Variants in STIL observed in about 807,000 individuals in gnomAD.
STIL encodes the protein STIL centriolar assembly protein, also known as SCL-interrupting locus protein.
A neutral mutation model predicts 110.1 loss-of-function variants in STIL; 55 were observed. The ratio of observed to expected loss-of-function variants is 0.50; its 90% CI spans 0.40 to 0.63. STIL has a LOEUF of 0.63. Ranked by LOEUF, STIL falls within the 20% of genes least tolerant of loss-of-function variation. STIL has a pLI of 0.00. For synonymous variants in STIL, 481 were observed against 530.0 expected, an observed-to-expected ratio of 0.91 and a Z score of 1.27; for missense variants, 1,358 against 1,530.0, an observed-to-expected ratio of 0.89 and a Z score of 1.87.
chr1:47,300,532 G>A (rs1645774932), intron 5 of STIL, among the ~76,000 whole-genome samples: 1 of 151,704 alleles, frequency 6.6e-6, no homozygotes, highest in African/African-American at 2.4e-5. Context: ...GCAGTGGTGC[G>A]ATCTCAGCTC....
rs778212023 is a variant in STIL at position 47,251,093 on chromosome 1, G to A, written c.*43C>T. The A allele has an allele frequency of 5.7e-6, 9 of 1,581,510 alleles. No homozygotes were observed. The East Asian group carries it at 1.8e-4, about 31-fold the overall frequency. ...TCCTGTTTTCCCTAAGTATCTTCAG[G>A]AGACACCCTGTCCCTGTATTAAAAG... On this transcript the variant is annotated 3_prime_UTR_variant, in exon 17 of 17. Transcript: ENST00000371877.
chr1:47,251,223 A>T lies in STIL; in HGVS notation c.3780T>A (p.Ser1260=). ...ITIFPESLQP[S]ETLKQMNSMN... ...TGCTATTCATCTGCTTTAGCGTTTC[A>T]GAAGGTTGCAAACTTTCAGGAAAAA... Residue 1260 remains serine (S), a synonymous_variant, in exon 17 of 17, where the codon TCT becomes TCA. Coordinates refer to ENST00000371877, the MANE Select transcript of STIL (RefSeq NM_001048166.1). The T allele has an allele frequency of 6.2e-7, 1 of 1,611,782 alleles. No homozygotes were observed.
Position 47,280,497 on chromosome 1 carries a change from T to C in STIL, c.1961A>G (p.Asn654Ser). 2 of 1,614,238 alleles carry C rather than the reference T, an allele frequency of 1.2e-6. No homozygotes were observed. The highest frequency in any genetic ancestry group is 8.5e-7 in the Non-Finnish European group (1 of 1,180,046). The change falls in exon 12 of 17, where the codon AAT becomes AGT. Residue 654 changes from asparagine to serine, a missense_variant. Transcript: ENST00000371877. ...HPSGCPALYC[N>S]AFCSSSSPIA... ...AGGACTACTTGAAGAACAGAATGCA[T>C]TACAGTACAGGGCTGGACATCCACT... is the stretch of plus-strand genomic sequence containing the variant.
chr1:47,289,538 G>GTCA lies in STIL; in HGVS notation c.917_919dup (p.Met306dup). The stretch of plus-strand genomic sequence containing the variant: ...TTCATAAAACTCAGGTTCCTTATGT[G>GTCA]TCATAGAATAGAGAACTATGATGAA... On this transcript the variant is annotated inframe_insertion, in exon 9 of 17. Coordinates refer to ENST00000371877, the MANE Select transcript of STIL (RefSeq NM_001048166.1). The GTCA allele has an allele frequency of 6.2e-7, 1 of 1,613,712 alleles. No homozygotes were observed. Among genetic ancestry groups the GTCA allele is most frequent in the Non-Finnish European group, 8.5e-7 (1 of 1,179,712 alleles).
chr1:47,269,811 C>T lies in STIL; in HGVS notation c.2439G>A (p.Met813Ile). The T allele has an allele frequency of 2.5e-6, 4 of 1,614,188 alleles. No homozygotes were observed. Among genetic ancestry groups the T allele is most frequent in the Non-Finnish European group, 3.4e-6 (4 of 1,180,030 alleles). Residue 813 changes from methionine to isoleucine, a missense_variant, in exon 14 of 17, where the codon ATG (methionine) becomes ATA (isoleucine). Physicochemically the swap from Met to Ile is conservative, Grantham distance 10 (BLOSUM62 1). Transcript: ENST00000371877. The stretch of plus-strand genomic sequence containing the variant: ...TGGAAATTTTGGTATCATCTTGCTT[C>T]ATTTGAGAGTCAGGCTCTTGATCCT... ...AGEDQEPDSQ[M>I]KQDDTKISSE... is the part of the protein sequence containing the mutation.
chr1:47,271,786 G>A (rs1644847405), intron 13 of STIL, among the ~76,000 whole-genome samples: 1 of 149,240 alleles, frequency 6.7e-6, no homozygotes, highest in Non-Finnish European at 1.5e-5. Flanking sequence ...TCTAGCTTGG[G>A]CAACACAGCG....
chr1:47,253,721 A>C (rs1644250321), intron 16 of STIL, among the ~76,000 whole-genome samples: 1 of 152,130 alleles, frequency 6.6e-6, no homozygotes. Flanking sequence ...ATTCTAGTCA[A>C]ATATGCTATG....
chr1:47,264,279 G>T (rs1321030950), intron 14 of STIL, among the ~76,000 whole-genome samples: 3 of 152,156 alleles, frequency 2.0e-5, no homozygotes, highest in African/African-American at 7.2e-5. Context: ...CAATCTTGGA[G>T]TTTCCAGTCC....
chr1:47,282,578 T>C, intron 10 of STIL, 119 bp from the exon 11 acceptor site: 1 of 676,064 alleles, frequency 1.5e-6, no homozygotes, highest in Non-Finnish European at 2.7e-6. Flanking sequence ...TAATTTAGTA[T>C]CTGACAACCA....
chr1:47,296,229 C>G (rs763809325), intron 6 of STIL, among the ~76,000 whole-genome samples: 1 of 152,118 alleles, frequency 6.6e-6, no homozygotes, highest in Non-Finnish European at 1.5e-5. Flanking sequence ...AGAAAATGTT[C>G]ATGCATCCAA....
At chr1:47,271,067 C>CT (rs944958600) in intron 13 of STIL, among the ~76,000 whole-genome samples, 6 of 151,956 alleles carry the variant, frequency 3.9e-5, no homozygotes, top group African/African-American at 1.5e-4. Context: ...TAAATTAACT[C>CT]TTTTTTTACT....
intron 8 of STIL, among the ~76,000 whole-genome samples, chr1:47,293,044 T>C (rs182592372): frequency 6.6e-6 from 1 of 152,322 alleles, no homozygotes; most frequent in East Asian, 1.9e-4. Flanking sequence ...AAATTAAAAA[T>C]CTTGTCTCAA....
At chr1:47,252,560 G>A (rs1293514890) in intron 16 of STIL, among the ~76,000 whole-genome samples, 5 of 152,100 alleles carry the variant, frequency 3.3e-5, no homozygotes, top group Non-Finnish European at 5.9e-5. Context: ...ACATAGCTAT[G>A]AGTCATTTAA....
chr1:47,299,399 T>C (rs960145034), intron 6 of STIL, among the ~76,000 whole-genome samples: 1 of 92,294 alleles, frequency 1.1e-5, no homozygotes, highest in African/African-American at 9.2e-5. Flanking sequence ...CTCAGTTTTG[T>C]CTTTTTTTTT....
intron 9 of STIL, 99 bp from the exon 10 acceptor site, chr1:47,287,759 G>A: frequency 1.1e-6 from 1 of 906,784 alleles, no homozygotes; most frequent in Non-Finnish European, 1.8e-6. Context: ...AGATGATGGA[G>A]TGGCAGACTT....
intron 9 of STIL, among the ~76,000 whole-genome samples, chr1:47,289,061 C>CAAAAAAAAAAAAAAA: frequency 1.2e-5 from 1 of 83,476 alleles, no homozygotes; most frequent in Non-Finnish European, 2.2e-5. Context: ...GATTCCATCT[C>CAAAAAAAAAAAAAAA]AAAAAAAAAA....
chr1:47,289,620 G>T, intron 8 of STIL, 35 bp from the exon 9 acceptor site: 1 of 1,569,474 alleles, frequency 6.4e-7, no homozygotes, highest in Non-Finnish European at 8.8e-7. Context: ...AAAATTTAAT[G>T]AGGATAACAT....
intron 14 of STIL, among the ~76,000 whole-genome samples, chr1:47,266,361 C>CT (rs553863110): frequency 2.0e-5 from 3 of 152,196 alleles, no homozygotes; most frequent in East Asian, 3.9e-4. Flanking sequence ...ACCAGTTCAC[C>CT]TTTTTTTATT....
At chr1:47,302,121 A>G (rs1645821814) in intron 4 of STIL, 113 bp downstream of exon 4, 1 of 771,114 alleles carries the variant, frequency 1.3e-6, no homozygotes, top group Non-Finnish European at 2.3e-6. Context: ...GAGTCTTACT[A>G]TGTTATGCAA....
Sources: gnomAD v4.1 joint callset for allele counts (sites outside exome capture counted in the v4.1 genomes callset) on GRCh38, gnomAD v4.1.1 for gene constraint, MANE v1.5 for transcripts, NCBI Gene and HGNC (gene_info 2026-07-23, HGNC 2026-07-21) for gene names.